Variants in LTN1 observed in about 807,000 individuals in gnomAD.
LTN1 encodes the protein listerin E3 ubiquitin protein ligase 1.
Under a neutral mutation model 201.2 loss-of-function variants are expected in LTN1, and 88 were observed. The ratio of observed to expected loss-of-function variants is 0.44; its 90% CI spans 0.37 to 0.52. The LOEUF (loss-of-function observed/expected upper bound fraction) is 0.52. Ranked by LOEUF, LTN1 falls within the 20% of genes least tolerant of loss-of-function variation. The pLI, the probability that LTN1 is intolerant of heterozygous loss-of-function variation, is 0.00. For synonymous variants in LTN1, 645 were observed against 713.5 expected (o/e 0.90, Z 1.53); for missense variants, 1,752 against 2,038.7 (o/e 0.86, Z 2.71).
In LTN1 at chr21:28,957,379, G is replaced by C. The variant is rs771727186; in HGVS notation, c.2845C>G (p.Pro949Ala). 6.2e-7 allele frequency: 1 copy of C among 1,605,712 alleles called. No individual in the cohort carries two copies. Among genetic ancestry groups the C allele is most frequent in the Admixed American group, 1.7e-5 (1 of 57,688 alleles). Residue 949 changes from proline (P) to alanine (A), a missense_variant, in exon 15 of 30, where the codon CCG becomes GCG. Physicochemically the swap from Pro to Ala is conservative, Grantham distance 27. Transcript: ENST00000361371. ...ATCTTTTCCCATTCACTGTCGTTCGGCATTACACTTCCAATATAAACTCCC... is the reference window on the plus strand; with the variant it reads ...ATCTTTTCCCATTCACTGTCGTTCGCCATTACACTTCCAATATAAACTCCC... ...LMGVYIGSVM[P>A]NDSEWEKMRQ...
At chr21:28,974,282 C>G (rs1021329899) in intron 6 of LTN1, among the ~76,000 whole-genome samples, 3 of 152,158 alleles carry the variant, frequency 2.0e-5, no homozygotes, top group African/African-American at 7.2e-5. Context: ...TTTTATCTGA[C>G]ACATACTTCT....
chr21:28,945,688 T>A, intron 21 of LTN1, 119 bp downstream of exon 21: 1 of 900,642 alleles, frequency 1.1e-6, no homozygotes, highest in South Asian at 2.4e-5. Context: ...TAAAGTGTTT[T>A]AAATTATACA....
chr21:28,948,509 G>A (rs920340368), intron 18 of LTN1, among the ~76,000 whole-genome samples: 14 of 151,710 alleles, frequency 9.2e-5, no homozygotes, highest in Non-Finnish European at 2.9e-5. Context: ...CTGACCTCAG[G>A]TGATGCAGCC....
chr21:28,943,394 C>A, intron 23 of LTN1, 58 bp from the exon 24 acceptor site: 1 of 1,074,766 alleles, frequency 9.3e-7, no homozygotes, highest in Non-Finnish European at 1.4e-6. Context: ...TTAAGTCGTG[C>A]TCAAGAGCAG....
At chr21:28,983,472 ACC>A (rs1289138447) in intron 4 of LTN1, among the ~76,000 whole-genome samples, 1 of 152,180 alleles carries the variant, frequency 6.6e-6, no homozygotes, top group Admixed American at 6.5e-5. Context: ...AAAGCTACAA[ACC>A]CTCTCTCTAG....
chr21:28,947,651 TAC>T (rs748105388), intron 18 of LTN1, 45 bp from the exon 19 acceptor site: 39 of 1,246,178 alleles, frequency 3.1e-5, no homozygotes, highest in Middle Eastern at 5.1e-4. Flanking sequence ...CTTCCAAACA[TAC>T]AGTTATTTTA....
At chr21:28,933,509 C>G (rs79826165) in intron 27 of LTN1, among the ~76,000 whole-genome samples, 1 of 152,114 alleles carries the variant, frequency 6.6e-6, no homozygotes, top group Admixed American at 6.5e-5. Flanking sequence ...TATTTGAGGC[C>G]CTTCCCAACA....
chr21:28,958,522 G>A lies in LTN1; in HGVS notation c.2611C>T (p.Leu871=). 1 of 1,598,616 alleles carries A rather than the reference G, an allele frequency of 6.3e-7. No individual in the cohort carries two copies. Among genetic ancestry groups the A allele is most frequent in the Non-Finnish European group, 8.5e-7 (1 of 1,174,762 alleles). The change falls in exon 14 of 30, where the codon CTG becomes TTG. Residue 871 remains leucine (L), a synonymous_variant. Transcript: ENST00000361371. ...ACACCAGAGAGCCAAGTATTTTTCA[G>A]TTTACAGATAAGAAAATCTAAAATC... ...THLPDFLICK[L]KNTWLSGVNL...
chr21:28,935,773 G>GAGCTT (rs930425851), intron 26 of LTN1, among the ~76,000 whole-genome samples: 5 of 150,712 alleles, frequency 3.3e-5, no homozygotes, highest in African/African-American at 1.2e-4. Context: ...CCGGAAGGCG[G>GAGCTT]AGCTTGCAGT....
chr21:28,969,345 A>T, intron 9 of LTN1, 121 bp downstream of exon 9: 2 of 795,092 alleles, frequency 2.5e-6, no homozygotes, highest in Non-Finnish European at 3.8e-6. Flanking sequence ...TCAATTGGTA[A>T]ATTATAAAAA....
At chr21:28,968,315 C>T (rs2084543492) in intron 9 of LTN1, among the ~76,000 whole-genome samples, 1 of 152,202 alleles carries the variant, frequency 6.6e-6, no homozygotes, top group African/African-American at 2.4e-5. Flanking sequence ...AGATATGAGA[C>T]TATAAGTCAA....
At chr21:28,952,314 T>C in intron 17 of LTN1, 50 bp from the exon 18 acceptor site, 2 of 1,103,024 alleles carry the variant, frequency 1.8e-6, no homozygotes, top group Non-Finnish European at 2.7e-6. Flanking sequence ...GCATACTGAA[T>C]AAAATGTTTA....
Position 28,953,210 on chromosome 21 carries a change from T to C in LTN1, c.3239+7A>G, listed in dbSNP as rs1442209292. On this transcript the variant is annotated splice_region_variant and intron_variant, in intron 17 of 29. Coordinates refer to ENST00000361371, the MANE Select transcript of LTN1 (RefSeq NM_015565.3). ...CATTTTAAAAACAAATTGAAAGAGA[T>C]TCTTACCTGTTAAATAACAGCTGCA... 6.4e-7 allele frequency: 1 copy of C among 1,551,350 alleles called. No homozygotes were observed. The highest frequency in any genetic ancestry group is 8.6e-7 in the Non-Finnish European group (1 of 1,156,290).
At position 28,981,223 on chromosome 21, in the gene LTN1, G is replaced by A. The variant is rs774002395; in HGVS notation, c.706C>T (p.Leu236Phe). 20 of 1,599,338 alleles carry A rather than the reference G, an allele frequency of 1.3e-5. No individual in the cohort carries two copies. The highest frequency in any genetic ancestry group is 1.7e-5 in the Non-Finnish European group (20 of 1,175,516). Residue 236 changes from leucine to phenylalanine, a missense_variant, in exon 6 of 30, where the codon CTT becomes TTT. This residue lies in a region of LTN1 where 280 missense variants were observed against 375.7 expected (regional missense o/e 0.75). Transcript: ENST00000361371. ...AGCTCATTATCAGGTAAAAGGCAAA[G>A]TAATCTCTTTAATGCCAATAAGGAA... The part of the protein sequence containing the change: ...TCSLLALKRL[L>F]CLLPDNELDS...
chr21:28,973,027 C>T (rs2084587217), intron 6 of LTN1, among the ~76,000 whole-genome samples: 1 of 152,100 alleles, frequency 6.6e-6, no homozygotes, highest in African/African-American at 2.4e-5. Flanking sequence ...ACATACAATC[C>T]TGTACTCAGC....
rs1041529134 is a variant in LTN1, at chr21:28,930,230, T to C, written c.*218A>G. ...GAAATATTTTCTCTCAAATATGTAA[T>C]ATTCTTTTGTAAAAGAAAGTTTCCA... On this transcript the variant is annotated 3_prime_UTR_variant, in exon 30 of 30. Coordinates refer to ENST00000361371, the MANE Select transcript of LTN1 (RefSeq NM_015565.3). 7 of 391,386 alleles carry C rather than the reference T, an allele frequency of 1.8e-5. No homozygotes were observed. Among genetic ancestry groups the C allele is most frequent in the African/African-American group, 1.2e-4 (6 of 48,232 alleles). The allele number at this position is 391,386 out of a possible 1,614,324, so 24.2% of individuals were successfully genotyped here.
At chr21:28,950,298 T>C (rs1041997578) in intron 18 of LTN1, among the ~76,000 whole-genome samples, 5 of 152,218 alleles carry the variant, frequency 3.3e-5, no homozygotes, top group Non-Finnish European at 7.3e-5. Flanking sequence ...AATGGAATCT[T>C]CTTTTTCTCC....
chr21:28,980,843 TTAAA>T (rs2084652932), intron 6 of LTN1, among the ~76,000 whole-genome samples: 1 of 152,122 alleles, frequency 6.6e-6, no homozygotes, highest in African/African-American at 2.4e-5. Context: ...AATAAATTAA[TTAAA>T]TGAGAAGAGA....
In LTN1 at chr21:28,935,341, A is replaced by T; in HGVS notation, c.4655-12T>A. On this transcript the variant is annotated splice_polypyrimidine_tract_variant and intron_variant, in intron 26 of 29. Transcript: ENST00000361371. ...AAGCATTGTTGTTTCTGAGGAAAAAACAAATTATTGATTAGTAACATATAT... is the reference window on the plus strand; with the variant it reads ...AAGCATTGTTGTTTCTGAGGAAAAATCAAATTATTGATTAGTAACATATAT... 6.6e-7 allele frequency: 1 copy of T among 1,521,824 alleles called. No homozygotes were observed. 94.3% of individuals were successfully genotyped at this position (1,521,824 alleles called of 1,614,324 possible).
Sources: gnomAD v4.1 joint callset for allele counts (sites outside exome capture counted in the v4.1 genomes callset) on GRCh38, gnomAD v4.1.1 for gene constraint, gnomAD v4.1.1 regional missense constraint, MANE v1.5 for transcripts, NCBI Gene and HGNC (gene_info 2026-07-23, HGNC 2026-07-21) for gene names.